The following CACUL1 variants were observed in gnomAD, a reference collection of about 807,000 sequenced individuals.
The protein encoded by CACUL1 is CDK2-associated and cullin domain-containing protein 1.
Under a neutral mutation model 45.2 loss-of-function variants are expected in CACUL1, and 13 were observed. The ratio of observed to expected loss-of-function variants is 0.29; its 90% confidence interval spans 0.19 to 0.46. The LOEUF is 0.46. CACUL1 is among the 20% of genes least tolerant of loss of function. The pLI, the probability that CACUL1 is intolerant of heterozygous loss-of-function variation, is 1.00. For missense variants in CACUL1, 421 were observed against 471.4 expected (o/e 0.89, Z 0.99); for synonymous variants, 197 against 174.2 (o/e 1.13, Z -1.03).
At chr10:118,734,558 T>A (rs1400559085) in intron 1 of CACUL1, among the ~76,000 whole-genome samples, 1 of 152,218 alleles carries the variant, frequency 6.6e-6, no homozygotes, top group Non-Finnish European at 1.5e-5. Flanking sequence ...AAGAAGGCAC[T>A]ACAGGCACAA....
chr10:118,746,281 A>T (rs1324734208), intron 1 of CACUL1, among the ~76,000 whole-genome samples: 1 of 152,232 alleles, frequency 6.6e-6, no homozygotes, highest in Non-Finnish European at 1.5e-5. Flanking sequence ...ACTAAATAAG[A>T]TTAATGAAAT....
chr10:118,676,670 TC>T lies in CACUL1; in HGVS notation c.*9457del, dbSNP rs1845100289. Reference sequence around the variant, plus strand: ...AATGACAAGCATTTTTAATCATGACTCTCTCTAAAAGAACATTTTTTTAGAA... The same window carrying T: ...AATGACAAGCATTTTTAATCATGACTTCTCTAAAAGAACATTTTTTTAGAA... On this transcript the variant is annotated 3_prime_UTR_variant, in exon 9 of 9. Transcript: ENST00000369151. 6.6e-6 allele frequency: 1 copy of T among 150,400 alleles called. No individual in the cohort carries two copies. The highest frequency in any genetic ancestry group is 1.5e-5 in the Non-Finnish European group (1 of 68,030). The allele number at this position is 150,400 out of a possible 1,614,324, so 9.3% of individuals were successfully genotyped here. A position where few individuals can be genotyped will look rare whatever the true frequency, so the allele number is the denominator to read the frequency against.
intron 3 of CACUL1, among the ~76,000 whole-genome samples, chr10:118,727,979 G>A (rs1447120921): frequency 1.3e-5 from 2 of 152,164 alleles, no homozygotes; most frequent in African/African-American, 4.8e-5. Flanking sequence ...CAATGCCTAA[G>A]CACTAAACAT....
chr10:118,738,892 T>TAAAAAAAAAAAAAAAAAAAAA (rs150393133), intron 1 of CACUL1, among the ~76,000 whole-genome samples: 1 of 62,270 alleles, frequency 1.6e-5, no homozygotes, highest in African/African-American at 6.2e-5. Context: ...CAAGTGCTCT[T>TAAAAAAAAAAAAAAAAAAAAA]AAAAAAAAAA....
rs1040587566 is a variant in CACUL1 at position 118,678,749 on chromosome 10, T to C, written c.*7379A>G. On this transcript the variant is annotated 3_prime_UTR_variant, in exon 9 of 9. Coordinates refer to ENST00000369151, the MANE Select transcript of CACUL1 (RefSeq NM_153810.5). Reference sequence around the variant, plus strand: ...TCCTGAGACCAATCCATTTTGGTCATCATTTGTTACATTTTGAATACACTG... The same window carrying C: ...TCCTGAGACCAATCCATTTTGGTCACCATTTGTTACATTTTGAATACACTG... 12 of 152,216 alleles carry C rather than the reference T, an allele frequency of 7.9e-5. No homozygotes were observed. Among genetic ancestry groups the C allele is most frequent in the Admixed American group, 6.5e-4 (10 of 15,286 alleles). The allele number at this position is 152,216 out of a possible 1,614,324, so 9.4% of individuals were successfully genotyped here. A position where few individuals can be genotyped will look rare whatever the true frequency, so the allele number is the denominator to read the frequency against.
At chr10:118,749,343 T>C (rs1471708516) in intron 1 of CACUL1, among the ~76,000 whole-genome samples, 1 of 152,216 alleles carries the variant, frequency 6.6e-6, no homozygotes, top group East Asian at 1.9e-4. Flanking sequence ...TTCTGGTGGC[T>C]TGGATTTCTG....
intron 3 of CACUL1, among the ~76,000 whole-genome samples, chr10:118,726,746 G>A (rs1034791299): frequency 1.3e-5 from 2 of 152,082 alleles, no homozygotes; most frequent in Non-Finnish European, 2.9e-5. Context: ...TTTTGATGTC[G>A]AGAAAATACC....
At chr10:118,706,198 T>C (rs1845430380) in intron 4 of CACUL1, among the ~76,000 whole-genome samples, 1 of 152,240 alleles carries the variant, frequency 6.6e-6, no homozygotes, top group African/African-American at 2.4e-5. Flanking sequence ...CTTTTGTTTT[T>C]ATTACTCACG....
In CACUL1 at chr10:118,676,998, A is replaced by T. The variant is rs535472102; in HGVS notation, c.*9130T>A. On this transcript the variant is annotated 3_prime_UTR_variant, in exon 9 of 9. Coordinates refer to ENST00000369151, the MANE Select transcript of CACUL1 (RefSeq NM_153810.5). The stretch of plus-strand genomic sequence containing the variant: ...GAAAAAATACTACTTTCTAGTTTTT[A>T]CAACATTTTTTTCTTTTTTAGTTCA... 1.3e-5 allele frequency: 2 copies of T among 152,084 alleles called. No homozygotes were observed. Among genetic ancestry groups the T allele is most frequent in the African/African-American group, 4.8e-5 (2 of 41,346 alleles). The allele number at this position is 152,084 out of a possible 1,614,324, so 9.4% of individuals were successfully genotyped here.
Position 118,685,080 on chromosome 10 carries a change from T to G in CACUL1, c.*1048A>C, listed in dbSNP as rs1287559376. Reference sequence around the variant, plus strand: ...AATATAATGTTCAAATGACAGACTTTTTTTAAGTAATTATCTCATTCATTT... The same window carrying G: ...AATATAATGTTCAAATGACAGACTTGTTTTAAGTAATTATCTCATTCATTT... On this transcript the variant is annotated 3_prime_UTR_variant, in exon 9 of 9. Coordinates refer to ENST00000369151, the MANE Select transcript of CACUL1 (RefSeq NM_153810.5). 6.6e-6 allele frequency: 1 copy of G among 152,190 alleles called. No homozygotes were observed. The highest frequency in any genetic ancestry group is 1.5e-5 in the Non-Finnish European group (1 of 68,046). The allele number at this position is 152,190 out of a possible 1,614,324, so 9.4% of individuals were successfully genotyped here.
chr10:118,751,718 A>G (rs1046401332), intron 1 of CACUL1, among the ~76,000 whole-genome samples: 1 of 152,202 alleles, frequency 6.6e-6, no homozygotes, highest in Non-Finnish European at 1.5e-5. Context: ...GACTTAGGCT[A>G]TTGAGTTTGT....
chr10:118,728,536 G>A (rs1318275652), intron 3 of CACUL1, among the ~76,000 whole-genome samples: 3 of 152,066 alleles, frequency 2.0e-5, no homozygotes, highest in Non-Finnish European at 4.4e-5. Context: ...TGATCTACCT[G>A]TCTCGGCCTC....
chr10:118,743,554 C>A (rs576908790), intron 1 of CACUL1, among the ~76,000 whole-genome samples: 1 of 152,112 alleles, frequency 6.6e-6, no homozygotes, highest in East Asian at 1.9e-4. Flanking sequence ...CATGGTGAAA[C>A]CCTGTCGCTA....
chr10:118,738,918 CTGG>C (rs1845765811), intron 1 of CACUL1, among the ~76,000 whole-genome samples: 1 of 87,302 alleles, frequency 1.1e-5, no homozygotes, highest in Non-Finnish European at 2.8e-5. Flanking sequence ...AAAAAAAAGC[CTGG>C]GCGCTGTGGT....
rs2119694879 is a variant in CACUL1, at chr10:118,754,312, G to A, written c.367+84C>T. ...AAGACCGAGGCCTGAAACAAAGGAA[G>A]CGGAGCTTTCTCCAAGAGGGGGTGG... is the stretch of plus-strand genomic sequence containing the variant. On this transcript the variant is annotated intron_variant, in intron 1 of 8. Transcript: ENST00000369151. 4.2e-6 allele frequency: 6 copies of A among 1,426,694 alleles called. No homozygotes were observed. The South Asian group carries it at 7.7e-5, about 18-fold the overall frequency. The allele number at this position is 1,426,694 out of a possible 1,614,324, so 88.4% of individuals were successfully genotyped here.
chr10:118,695,215 G>C lies in CACUL1; in HGVS notation c.812C>G (p.Ala271Gly), dbSNP rs1430971571. The C allele has an allele frequency of 6.3e-7, 1 of 1,598,952 alleles. No individual in the cohort carries two copies. The change falls in exon 6 of 9, where the codon GCC becomes GGC. Residue 271 changes from alanine to glycine, a missense_variant. Coordinates refer to ENST00000369151, the MANE Select transcript of CACUL1 (RefSeq NM_153810.5). Reference sequence around the variant, plus strand: ...TGTGACCTGAAATGGTGTTGACTGGGCTTCTAAAAGTAAAGCTGAAATAAG... The same window carrying C: ...TGTGACCTGAAATGGTGTTGACTGGCCTTCTAAAAGTAAAGCTGAAATAAG... ...IYSLMPLLLE[A>G]QSTPFQVTPS...
intron 3 of CACUL1, among the ~76,000 whole-genome samples, chr10:118,722,574 C>T (rs376083746): frequency 3.7e-4 from 56 of 152,218 alleles, no homozygotes; most frequent in South Asian, 1.5e-3. Flanking sequence ...TCAACTGTCA[C>T]GATTATCATA....
chr10:118,736,313 C>T (rs903763433), intron 1 of CACUL1, among the ~76,000 whole-genome samples: 4 of 151,716 alleles, frequency 2.6e-5, no homozygotes, highest in South Asian at 2.1e-4. Context: ...ACAGAGAAGC[C>T]GAAAAGTTTT....
intron 5 of CACUL1, among the ~76,000 whole-genome samples, chr10:118,698,170 G>A (rs533436052): frequency 1.3e-4 from 18 of 142,282 alleles, no homozygotes; most frequent in African/African-American, 3.4e-4. Context: ...TTTTTGAGAC[G>A]GAGTCTCACT....
Sources: allele counts gnomAD v4.1 joint callset (sites outside exome capture counted in the v4.1 genomes callset), GRCh38; gene constraint gnomAD v4.1.1; transcripts MANE v1.5; gene names NCBI Gene and HGNC (gene_info 2026-07-23, HGNC 2026-07-21).